Variants in UBE2F observed in about 807,000 individuals in gnomAD.
The protein encoded by UBE2F is ubiquitin conjugating enzyme E2 F (putative), also known as NEDD8-conjugating enzyme UBE2F.
Under a neutral mutation model 29.6 loss-of-function variants are expected in UBE2F, and 5 were observed. The ratio of observed to expected loss-of-function variants is 0.17; its 90% CI spans 0.09 to 0.36. The LOEUF is 0.36. UBE2F is among the 10% of genes least tolerant of loss of function. The pLI is 1.00. For synonymous variants in UBE2F, 66 were observed against 81.8 expected (o/e 0.81, Z 1.04); for missense variants, 141 against 228.5 (o/e 0.62, Z 2.47).
At chr2:238,015,520 G>T (rs1017724695) in intron 4 of UBE2F, among the ~76,000 whole-genome samples, 3 of 151,780 alleles carry the variant, frequency 2.0e-5, no homozygotes, top group Non-Finnish European at 4.4e-5. Context: ...AAATGTTAGG[G>T]TCCAGGTAAT....
chr2:238,003,265 A>G (rs1429246862), intron 4 of UBE2F: 1 of 434,918 alleles, frequency 2.3e-6, no homozygotes, highest in South Asian at 1.6e-5. Context: ...GCGATGTAGA[A>G]TAGAAATGTG....
At chr2:237,999,880 A>G (rs1238207583) in intron 4 of UBE2F, among the ~76,000 whole-genome samples, 1 of 145,908 alleles carries the variant, frequency 6.9e-6, no homozygotes, top group African/African-American at 2.6e-5. Flanking sequence ...GCTGGAGTGC[A>G]GTGGCGCGAT....
rs2064818006 is a variant in UBE2F at position 238,040,620 on chromosome 2, G to A, written c.508-668G>A. Among the ~76,000 whole-genome samples the A allele has an allele frequency of 6.6e-6, 1 of 152,142 alleles. No individual in the cohort carries two copies. Among genetic ancestry groups the A allele is most frequent in the African/African-American group, 2.4e-5 (1 of 41,420 alleles). ...GGGATTTTACTCCTAACCTTGGGGA[G>A]ACCAGATCCAGGGACAAACCTGACA... On this transcript the variant is annotated intron_variant, in intron 9 of 9. Transcript: ENST00000272930. This position sits in a 1 kb window ranked among gnomAD's most constrained non-coding sequence, Gnocchi z 4.4.
intron 1 of UBE2F, among the ~76,000 whole-genome samples, chr2:237,970,677 G>A (rs890727837): frequency 3.3e-5 from 5 of 152,132 alleles, no homozygotes; most frequent in Non-Finnish European, 5.9e-5. Context: ...TCAGAAGATC[G>A]TATTCTATGT....
chr2:238,016,717 A>G (rs2064161807), intron 5 of UBE2F, 84 bp downstream of exon 5: 3 of 1,163,512 alleles, frequency 2.6e-6, no homozygotes, highest in African/African-American at 3.1e-5. Context: ...ACAGGGCCCT[A>G]GCACTCCCCT....
At position 237,978,580 on chromosome 2, in the gene UBE2F, C is replaced by T. The variant is rs548897371; in HGVS notation, c.118+5355C>T. Among the ~76,000 whole-genome samples, 73 of 152,318 alleles carry T rather than the reference C, an allele frequency of 4.8e-4. 1 individual carries two copies. The highest frequency in any genetic ancestry group is 4.2e-3 in the Admixed American group (64 of 15,306). On this transcript the variant is annotated intron_variant, in intron 2 of 9. Transcript: ENST00000272930. ...CCTCCAGATGGCCGCAAGGGCTCCCCGCTCAGCCACACCCACATTTCCTCA... is the reference window on the plus strand; with the variant it reads ...CCTCCAGATGGCCGCAAGGGCTCCCTGCTCAGCCACACCCACATTTCCTCA...
intron 6 of UBE2F, among the ~76,000 whole-genome samples, chr2:238,029,331 G>A (rs911765824): frequency 1.3e-5 from 2 of 152,012 alleles, no homozygotes; most frequent in African/African-American, 4.8e-5. Context: ...GCTCACGCCT[G>A]TAATCCCAGC....
rs1056587402 is a variant in UBE2F at position 238,042,051 on chromosome 2, G to T, written c.*713G>T. On this transcript the variant is annotated 3_prime_UTR_variant, in exon 10 of 10. Transcript: ENST00000272930. Reference sequence around the variant, plus strand: ...AGAGAAATACAAAGAAAATATGAAAGGCACATTATTCATTTTGTCCAAATG... The same window carrying T: ...AGAGAAATACAAAGAAAATATGAAATGCACATTATTCATTTTGTCCAAATG... 6.6e-6 allele frequency: 1 copy of T among 152,554 alleles called. No homozygotes were observed. Among genetic ancestry groups the T allele is most frequent in the Non-Finnish European group, 1.5e-5 (1 of 68,028 alleles). 9.5% of individuals were successfully genotyped at this position (152,554 alleles called of 1,614,324 possible).
At chr2:237,977,747 T>C (rs2063309999) in intron 2 of UBE2F, among the ~76,000 whole-genome samples, 1 of 152,058 alleles carries the variant, frequency 6.6e-6, no homozygotes, top group African/African-American at 2.4e-5. Context: ...AAACTCCCTT[T>C]TGGGACTTTG....
intron 4 of UBE2F, among the ~76,000 whole-genome samples, chr2:238,011,478 G>A (rs142201289): frequency 6.6e-6 from 1 of 152,102 alleles, no homozygotes; most frequent in South Asian, 2.1e-4. Flanking sequence ...TAGAATATAC[G>A]CTTCATAAGG....
chr2:237,998,152 T>G (rs572126035), intron 4 of UBE2F, among the ~76,000 whole-genome samples: 5 of 152,194 alleles, frequency 3.3e-5, no homozygotes, highest in Non-Finnish European at 7.3e-5. Context: ...ATAATCAGTT[T>G]TACTGAGGTA....
chr2:238,017,122 T>G (rs939130206), intron 5 of UBE2F, among the ~76,000 whole-genome samples: 21 of 152,230 alleles, frequency 1.4e-4, no homozygotes, highest in African/African-American at 4.8e-4. Flanking sequence ...ATGTCTTTGC[T>G]TTGGTGGAAC....
intron 1 of UBE2F, among the ~76,000 whole-genome samples, chr2:237,968,237 C>A (rs2063100587): frequency 6.6e-6 from 1 of 152,090 alleles, no homozygotes; most frequent in Admixed American, 6.5e-5. Context: ...TCACACCAAG[C>A]TTAGTGCTGT....
chr2:237,994,690 C>T (rs2063656528), intron 3 of UBE2F, 54 bp from the exon 4 acceptor site: 18 of 1,433,734 alleles, frequency 1.3e-5, no homozygotes, highest in Non-Finnish European at 1.7e-5. Flanking sequence ...TTAGCGTCAA[C>T]ATATGGACTG....
intron 4 of UBE2F, among the ~76,000 whole-genome samples, chr2:238,008,634 C>T (rs1334589117): frequency 6.6e-6 from 1 of 151,972 alleles, no homozygotes; most frequent in Admixed American, 6.6e-5. Flanking sequence ...ATTGATTTTG[C>T]CCTGTTGTTT....
At position 237,967,791 on chromosome 2, in the gene UBE2F, A is replaced by C. The variant is rs906301957; in HGVS notation, c.-17+659A>C. 2.6e-5 allele frequency among the ~76,000 whole-genome samples: 4 copies of C among 152,200 alleles called. No individual in the cohort carries two copies. Among genetic ancestry groups the C allele is most frequent in the Admixed American group, 1.3e-4 (2 of 15,288 alleles). On this transcript the variant is annotated intron_variant, in intron 1 of 9. Transcript: ENST00000272930. The surrounding 1 kb of genome is among the most constrained non-coding windows in gnomAD (Gnocchi z 6.3). The stretch of plus-strand genomic sequence containing the variant: ...GAGGAAGGAAGGGCATCTTGGAACA[A>C]TTAGTGCAGCAGAGTCTTGGTTCCA...
chr2:238,013,839 A>T (rs2064094873), intron 4 of UBE2F, among the ~76,000 whole-genome samples: 1 of 152,200 alleles, frequency 6.6e-6, no homozygotes, highest in Admixed American at 6.5e-5. Context: ...GCTGAGTGCC[A>T]GGAACTTCCC....
chr2:238,026,177 C>G (rs1287928089), intron 6 of UBE2F, among the ~76,000 whole-genome samples: 2 of 152,182 alleles, frequency 1.3e-5, no homozygotes, highest in African/African-American at 4.8e-5. Flanking sequence ...GCCCGGCTGC[C>G]CGGGGCAGCT....
At chr2:237,977,827 G>T (rs557809234) in intron 2 of UBE2F, among the ~76,000 whole-genome samples, 21 of 152,224 alleles carry the variant, frequency 1.4e-4, no homozygotes, top group Non-Finnish European at 2.9e-4. Flanking sequence ...TGTGGCTTGT[G>T]TAAGGGTGTT....
Sources: allele counts gnomAD v4.1 joint callset (sites outside exome capture counted in the v4.1 genomes callset), GRCh38; gene constraint gnomAD v4.1.1; non-coding constraint Gnocchi (gnomAD v3.1); transcripts MANE v1.5; gene names NCBI Gene and HGNC (gene_info 2026-07-23, HGNC 2026-07-21).